Variants in LPIN2 observed in about 807,000 individuals in gnomAD.
The protein encoded by LPIN2 is phosphatidate phosphatase LPIN2.
A neutral mutation model predicts 111.4 loss-of-function variants in LPIN2; 55 were observed. That is an observed-to-expected ratio of 0.49 (90% CI 0.40 to 0.62). LPIN2 has a LOEUF of 0.62. Among genes scored for constraint, LPIN2 ranks in the 20% least tolerant of loss-of-function variants. LPIN2 has a pLI of 0.00. For synonymous variants in LPIN2, 425 were observed against 414.0 expected (o/e 1.03, Z -0.32); for missense variants, 992 against 1,112.1 (o/e 0.89, Z 1.54).
intron 1 of LPIN2, among the ~76,000 whole-genome samples, chr18:3,011,495 G>A (rs1231062416): frequency 6.6e-6 from 1 of 152,076 alleles, no homozygotes; most frequent in Admixed American, 6.6e-5. Flanking sequence ...GACCAGCCTG[G>A]CCAACATGGT....
At chr18:3,006,263 C>T (rs2078513954) in intron 1 of LPIN2, among the ~76,000 whole-genome samples, 1 of 152,232 alleles carries the variant, frequency 6.6e-6, no homozygotes, top group African/African-American at 2.4e-5. Flanking sequence ...CACTTTACAA[C>T]AGACTAAGAA....
chr18:2,927,402 G>C (rs1259000310), intron 12 of LPIN2, among the ~76,000 whole-genome samples: 1 of 152,224 alleles, frequency 6.6e-6, no homozygotes, highest in Non-Finnish European at 1.5e-5. Context: ...AGGTAATACA[G>C]TGAAGCAGAA....
intron 8 of LPIN2, among the ~76,000 whole-genome samples, chr18:2,933,413 C>T (rs1348928055): frequency 6.6e-6 from 1 of 152,176 alleles, no homozygotes; most frequent in South Asian, 2.1e-4. Flanking sequence ...TATATTTGAA[C>T]TTTCCTACTG....
chr18:2,994,489 T>G (rs1326329573), intron 1 of LPIN2, among the ~76,000 whole-genome samples: 1 of 152,200 alleles, frequency 6.6e-6, no homozygotes, highest in African/African-American at 2.4e-5. Flanking sequence ...TAAAAAAATT[T>G]TTTAATGATA....
At chr18:2,975,909 A>AT (rs1350739664) in intron 1 of LPIN2, among the ~76,000 whole-genome samples, 1 of 152,130 alleles carries the variant, frequency 6.6e-6, no homozygotes, top group African/African-American at 2.4e-5. Flanking sequence ...ATTTTTTTGA[A>AT]TTTTATCCAA....
chr18:2,924,579 G>C (rs1459493706), intron 14 of LPIN2, 33 bp from the exon 15 acceptor site: 1 of 1,609,012 alleles, frequency 6.2e-7, no homozygotes, highest in South Asian at 1.1e-5. Flanking sequence ...AAGAAAATCA[G>C]CTGAAAACAT....
intron 4 of LPIN2, 95 bp downstream of exon 4, chr18:2,950,960 C>G (rs1271101516): frequency 7.4e-7 from 1 of 1,346,862 alleles, no homozygotes; most frequent in Admixed American, 1.7e-5. Context: ...CAAGCCCAAA[C>G]CTCACACTGT....
intron 1 of LPIN2, among the ~76,000 whole-genome samples, chr18:3,006,756 G>A (rs1159911301): frequency 6.6e-6 from 1 of 151,924 alleles, no homozygotes; most frequent in South Asian, 2.1e-4. Flanking sequence ...AGAATGGCAT[G>A]AACCCGGGAG....
chr18:3,009,928 C>CA (rs2078574965), intron 1 of LPIN2, among the ~76,000 whole-genome samples: 2 of 152,240 alleles, frequency 1.3e-5, no homozygotes, highest in Admixed American at 1.3e-4. Flanking sequence ...TATTAAAACA[C>CA]AGTTTACCTC....
chr18:2,958,161 C>CAAAAAAAAAAAAAAAAAAAAAAAAAA (rs1017981496), intron 2 of LPIN2, among the ~76,000 whole-genome samples: 1 of 44,712 alleles, frequency 2.2e-5, no homozygotes, highest in Non-Finnish European at 4.3e-5. Flanking sequence ...AAAAAAACAA[C>CAAAAAAAAAAAAAAAAAAAAAAAAAA]AAAAAAAAAA....
intron 4 of LPIN2, 22 bp from the exon 5 acceptor site, chr18:2,940,734 A>C (rs764291246): frequency 2.1e-6 from 3 of 1,408,282 alleles, no homozygotes; most frequent in African/African-American, 1.4e-5. Flanking sequence ...AAACCAAAGA[A>C]AGGCAGGAAC....
intron 2 of LPIN2, among the ~76,000 whole-genome samples, chr18:2,955,284 G>C (rs988529564): frequency 7.9e-5 from 12 of 152,148 alleles, no homozygotes; most frequent in African/African-American, 2.9e-4. Context: ...CACGGCGTTG[G>C]CATCTGCTTG....
Position 2,920,854 on chromosome 18 carries a change from C to G in LPIN2, c.2470G>C (p.Val824Leu). 1 of 1,613,998 alleles carries G rather than the reference C, an allele frequency of 6.2e-7. No individual in the cohort carries two copies. The highest frequency in any genetic ancestry group is 8.5e-7 in the Non-Finnish European group (1 of 1,179,860). The part of the protein sequence containing the change: ...NDVYAYTQVG[V>L]PDCRIFTVNP... ...ACGGTGAATATTCTACAGTCTGGAACTCCAACTTGTGTGTAGGCATAGACA... is the reference window on the plus strand; with the variant it reads ...ACGGTGAATATTCTACAGTCTGGAAGTCCAACTTGTGTGTAGGCATAGACA... The change falls in exon 19 of 20, where the codon GTT becomes CTT. Residue 824 changes from valine to leucine, a missense_variant. Coordinates refer to ENST00000677752, the MANE Select transcript of LPIN2 (RefSeq NM_001375808.2).
intron 5 of LPIN2, among the ~76,000 whole-genome samples, 194 bp from the exon 6 acceptor site, chr18:2,939,797 A>C (rs1053155925): frequency 6.6e-6 from 1 of 152,232 alleles, no homozygotes; most frequent in Non-Finnish European, 1.5e-5. Context: ...GACACCAACT[A>C]GTATTTAAGA....
chr18:2,922,252 A>C (rs1478620320), intron 16 of LPIN2, 53 bp from the exon 17 acceptor site: 136 of 1,575,246 alleles, frequency 8.6e-5, no homozygotes, highest in Non-Finnish European at 1.0e-4. Flanking sequence ...GGGAAAAGAA[A>C]ACAAAAAACA....
At chr18:2,993,374 G>C (rs1267453935) in intron 1 of LPIN2, among the ~76,000 whole-genome samples, 2 of 152,098 alleles carry the variant, frequency 1.3e-5, no homozygotes, top group African/African-American at 4.8e-5. Context: ...TTCCTATACT[G>C]TTACAAACTT....
At chr18:2,930,173 A>T (rs576900377) in intron 9 of LPIN2, among the ~76,000 whole-genome samples, 2 of 152,180 alleles carry the variant, frequency 1.3e-5, no homozygotes, top group Non-Finnish European at 2.9e-5. Flanking sequence ...TTTACTTGTC[A>T]TTTCTGCCTC....
chr18:3,012,012 A>C (rs552134415), intron 1 of LPIN2: 47 of 152,366 alleles, frequency 3.1e-4, no homozygotes, highest in African/African-American at 1.1e-3. Flanking sequence ...TGGGCCACTA[A>C]ATAATTCGTA....
chr18:2,942,336 T>C (rs902172560), intron 4 of LPIN2, among the ~76,000 whole-genome samples: 7 of 152,128 alleles, frequency 4.6e-5, no homozygotes, highest in Non-Finnish European at 7.3e-5. Context: ...AGGCAAATTT[T>C]CCCCTGAGAA....
Sources: allele counts gnomAD v4.1 joint callset (sites outside exome capture counted in the v4.1 genomes callset), GRCh38; gene constraint gnomAD v4.1.1; transcripts MANE v1.5; gene names NCBI Gene and HGNC (gene_info 2026-07-23, HGNC 2026-07-21).